RBM25: variants seen among roughly 807,000 people sequenced by gnomAD.
RBM25 encodes the protein RNA binding motif protein 25.
RBM25 carries 19 observed loss-of-function variants against 120.7 expected under a neutral mutation model. That is an observed-to-expected ratio of 0.16 (90% confidence interval 0.11 to 0.23). The LOEUF (loss-of-function observed/expected upper bound fraction) is 0.23, where lower values mean the gene tolerates loss of function less well. RBM25 is among the 10% of genes least tolerant of loss of function. The pLI, the probability that RBM25 is intolerant of heterozygous loss-of-function variation, is 1.00. For synonymous variants in RBM25, 390 were observed against 326.7 expected, an observed-to-expected ratio of 1.19 and a Z score of -2.09; for missense variants, 605 against 1,041.5, an observed-to-expected ratio of 0.58 and a Z score of 5.77.
At chr14:73,108,609 G>A (rs1896240184) in intron 13 of RBM25, among the ~76,000 whole-genome samples, 1 of 152,132 alleles carries the variant, frequency 6.6e-6, no homozygotes, top group Non-Finnish European at 1.5e-5. Context: ...CAAACTGTAA[G>A]TTCCCTGGGG....
Position 73,099,412 on chromosome 14 carries a change from C to T in RBM25, c.762C>T (p.Ile254=), listed in dbSNP as rs1380835580. ...GCAGATTTCCAGTGGCCCCACTGAT[C>T]CCTTATCCACTCATCACTAAGGTTA... ...IFRRFPVAPL[I]PYPLITKEDI... Residue 254 remains isoleucine, a synonymous_variant, in exon 8 of 19, where the codon ATC becomes ATT. Coordinates refer to ENST00000261973, the MANE Select transcript of RBM25 (RefSeq NM_021239.3). The T allele has an allele frequency of 7.5e-6, 12 of 1,605,800 alleles. No homozygotes were observed. The highest frequency in any genetic ancestry group is 9.3e-6 in the Non-Finnish European group (11 of 1,178,346).
chr14:73,105,507 G>A (rs186624167), intron 10 of RBM25, among the ~76,000 whole-genome samples: 12 of 152,194 alleles, frequency 7.9e-5, no homozygotes, highest in Admixed American at 7.2e-4. Context: ...TGGGAATTAA[G>A]TTTTCCTTTT....
intron 2 of RBM25, among the ~76,000 whole-genome samples, chr14:73,073,615 G>A (rs1014477809): frequency 1.4e-4 from 21 of 152,138 alleles, no homozygotes; most frequent in African/African-American, 4.8e-4. Context: ...TTGAAACTGG[G>A]AAGCAGAGGT....
chr14:73,119,682 T>A, intron 18 of RBM25, 31 bp from the exon 19 acceptor site: 1 of 1,609,128 alleles, frequency 6.2e-7, no homozygotes, highest in Non-Finnish European at 8.5e-7. Context: ...TTGCTTCTCT[T>A]ACATGTGTTG....
At chr14:73,114,565 C>T (rs1038741878) in intron 18 of RBM25, among the ~76,000 whole-genome samples, 2 of 152,104 alleles carry the variant, frequency 1.3e-5, no homozygotes, top group Admixed American at 1.3e-4. Context: ...TCTATATAAA[C>T]TCACTTTTGA....
intron 7 of RBM25, among the ~76,000 whole-genome samples, chr14:73,098,552 C>T (rs1594923902): frequency 6.6e-6 from 1 of 151,904 alleles, no homozygotes; most frequent in African/African-American, 2.4e-5. Flanking sequence ...CTTTTTAGGC[C>T]ATATTCAGTT....
At chr14:73,090,250 C>T (rs897909887) in intron 6 of RBM25, among the ~76,000 whole-genome samples, 5 of 151,920 alleles carry the variant, frequency 3.3e-5, no homozygotes, top group Non-Finnish European at 7.4e-5. Context: ...GGGATTTCTC[C>T]ATGTCTTCCA....
chr14:73,077,893 C>T (rs1052598109), intron 4 of RBM25, among the ~76,000 whole-genome samples: 28 of 152,180 alleles, frequency 1.8e-4, no homozygotes, highest in African/African-American at 6.5e-4. Flanking sequence ...GGTGCAGTGG[C>T]TTTTGCCTGT....
intron 18 of RBM25, among the ~76,000 whole-genome samples, chr14:73,118,693 T>C (rs531477864): frequency 8.3e-4 from 127 of 152,154 alleles, no homozygotes; most frequent in Non-Finnish European, 1.6e-3. Context: ...CACAAAAATA[T>C]GGTACTCTTT....
Position 73,075,517 on chromosome 14 carries a change from C to A in RBM25, c.107-802C>A, listed in dbSNP as rs923513026. On this transcript the variant is annotated intron_variant, in intron 2 of 18. Coordinates refer to ENST00000261973, the MANE Select transcript of RBM25 (RefSeq NM_021239.3). ...TAACAAGATTCTTCTTAGATTTACA[C>A]ATAAATTTCTCATCTCATGCTTAAA... 2.6e-5 allele frequency among the ~76,000 whole-genome samples: 4 copies of A among 152,116 alleles called. 1 individual carries two copies. The highest frequency in any genetic ancestry group is 2.0e-4 in the Admixed American group (3 of 15,264).
intron 5 of RBM25, among the ~76,000 whole-genome samples, chr14:73,087,256 G>T (rs143059478): frequency 6.6e-6 from 1 of 152,162 alleles, no homozygotes; most frequent in Non-Finnish European, 1.5e-5. Flanking sequence ...AAGTAAAATA[G>T]ACTGGTAACT....
chr14:73,097,488 C>T (rs978709932), intron 7 of RBM25, among the ~76,000 whole-genome samples: 1 of 152,034 alleles, frequency 6.6e-6, no homozygotes, highest in Non-Finnish European at 1.5e-5. Flanking sequence ...CGTGAGCCAC[C>T]GTGCCCGGCC....
chr14:73,083,499 T>C lies in RBM25; in HGVS notation c.330T>C (p.Cys110=). Residue 110 remains cysteine (C), a synonymous_variant, in exon 5 of 19, where the codon TGT becomes TGC. Coordinates refer to ENST00000261973, the MANE Select transcript of RBM25 (RefSeq NM_021239.3). ...TGTTTTGTTTTCTTTTTAAGAAATGTGGTTTGGTTTTGAGCTGGAAGAGAG... is the reference window on the plus strand; with the variant it reads ...TGTTTTGTTTTCTTTTTAAGAAATGCGGTTTGGTTTTGAGCTGGAAGAGAG... The part of the protein sequence containing the change: ...DMLIRQLLAK[C]GLVLSWKRVQ... The C allele has an allele frequency of 6.4e-7, 1 of 1,571,928 alleles. No individual in the cohort carries two copies. Among genetic ancestry groups the C allele is most frequent in the South Asian group, 1.2e-5 (1 of 82,282 alleles).
At chr14:73,088,234 G>A (rs752518245) in intron 6 of RBM25, 73 bp downstream of exon 6, 20 of 1,549,096 alleles carry the variant, frequency 1.3e-5, no homozygotes, top group Non-Finnish European at 1.7e-5. Flanking sequence ...CATTATAAAT[G>A]AATCTAATAT....
intron 18 of RBM25, among the ~76,000 whole-genome samples, chr14:73,118,035 A>G (rs1896471476): frequency 6.6e-6 from 1 of 152,232 alleles, no homozygotes; most frequent in Admixed American, 6.5e-5. Context: ...CACCACTGGA[A>G]GAAGACTTGT....
Position 73,097,061 on chromosome 14 carries a change from T to A in RBM25, c.690T>A (p.Asp230Glu), listed in dbSNP as rs1464780193. Residue 230 changes from aspartate to glutamate, a missense_variant, in exon 7 of 19, where the codon GAT (aspartate) becomes GAA (glutamate). Around this residue, in one of 4 missense-constraint regions of RBM25, gnomAD observed 465 missense variants for 741.6 expected, o/e 0.63. Coordinates refer to ENST00000261973, the MANE Select transcript of RBM25 (RefSeq NM_021239.3). ...TAAATGCCCCCTCACAGGAATCTGA[T>A]TCTCACCCCAGGAAGAAGAAGAAGG... ...SELNAPSQESDSHPRKKKKEK... is the reference protein window; with the variant it reads ...SELNAPSQESESHPRKKKKEK... 2 of 1,612,920 alleles carry A rather than the reference T, an allele frequency of 1.2e-6. No homozygotes were observed. Among genetic ancestry groups the A allele is most frequent in the Admixed American group, 3.4e-5 (2 of 59,698 alleles).
intron 18 of RBM25, among the ~76,000 whole-genome samples, chr14:73,118,965 C>T (rs765144623): frequency 2.2e-4 from 34 of 152,040 alleles, no homozygotes; most frequent in South Asian, 4.2e-4. Flanking sequence ...GATGGGGTTT[C>T]GTCATGTTGG....
rs1425693792 is a variant in RBM25, at chr14:73,076,317, A to G, written c.107-2A>G. 1 of 1,610,618 alleles carries G rather than the reference A, an allele frequency of 6.2e-7. No homozygotes were observed. The highest frequency in any genetic ancestry group is 8.5e-7 in the Non-Finnish European group (1 of 1,177,080). On this transcript the variant is annotated splice_acceptor_variant, in intron 2 of 18. Coordinates refer to ENST00000261973, the MANE Select transcript of RBM25 (RefSeq NM_021239.3). LOFTEE classifies it high-confidence loss of function. ...AAATCAGTGTGGTTTTTCTTTTCTT[A>G]GGGACCCCAATGATTCCTGTACCAA...
chr14:73,071,825 A>G lies in RBM25; in HGVS notation c.106+78A>G, dbSNP rs576090715. Reference sequence around the variant, plus strand: ...GATACTAACTTCAGGAAAATGTTAGATATGTGACTGTGTTAGTGAAGATGC... The same window carrying G: ...GATACTAACTTCAGGAAAATGTTAGGTATGTGACTGTGTTAGTGAAGATGC... On this transcript the variant is annotated intron_variant, in intron 2 of 18. Transcript: ENST00000261973. The G allele has an allele frequency of 1.8e-4, 213 of 1,176,348 alleles. No homozygotes were observed. The African/African-American group carries it at 2.9e-3, about 16-fold the overall frequency. 72.9% of individuals were successfully genotyped at this position (1,176,348 alleles called of 1,614,324 possible).
Sources: allele counts gnomAD v4.1 joint callset (sites outside exome capture counted in the v4.1 genomes callset), GRCh38; gene constraint gnomAD v4.1.1; regional missense constraint gnomAD v4.1.1; transcripts MANE v1.5; gene names NCBI Gene and HGNC (gene_info 2026-07-23, HGNC 2026-07-21).